The following FGGY variants were observed in gnomAD, a reference collection of about 807,000 sequenced individuals.
FGGY encodes FGGY carbohydrate kinase domain-containing protein.
A neutral mutation model predicts 71.3 loss-of-function variants in FGGY; 72 were observed. The ratio of observed to expected loss-of-function variants is 1.01; its 90% CI spans 0.84 to 1.23. The LOEUF (loss-of-function observed/expected upper bound fraction) is 1.23. FGGY is among the 50% of genes most tolerant of loss of function. The pLI is 0.00. For missense variants in FGGY, 668 were observed against 682.3 expected, an observed-to-expected ratio of 0.98 and a Z score of 0.23; for synonymous variants, 251 against 250.3, an observed-to-expected ratio of 1.00 and a Z score of -0.02.
chr1:59,720,485 T>G (rs990494387), intron 14 of FGGY, among the ~76,000 whole-genome samples: 7 of 152,240 alleles, frequency 4.6e-5, no homozygotes, highest in African/African-American at 1.7e-4. Flanking sequence ...CCACTTTTCT[T>G]TCCATTATCT....
At chr1:59,439,994 G>A (rs1187835284) in intron 5 of FGGY, among the ~76,000 whole-genome samples, 1 of 149,562 alleles carries the variant, frequency 6.7e-6, no homozygotes, top group Non-Finnish European at 1.5e-5. Flanking sequence ...ATATGTGGTG[G>A]TATCTTTTAA....
At chr1:59,643,733 CTA>C (rs1258316641) in intron 11 of FGGY, among the ~76,000 whole-genome samples, 13 of 152,234 alleles carry the variant, frequency 8.5e-5, no homozygotes, top group Non-Finnish European at 1.5e-4. Flanking sequence ...TAAATTTACT[CTA>C]TAGGAAAAAC....
intron 5 of FGGY, among the ~76,000 whole-genome samples, chr1:59,405,386 G>A (rs906174984): frequency 6.6e-6 from 1 of 152,148 alleles, no homozygotes. Flanking sequence ...ATTCCTGGTT[G>A]GAAGTTGAAG....
chr1:59,501,423 GA>G (rs78590825), intron 6 of FGGY, among the ~76,000 whole-genome samples: 7,630 of 145,894 alleles, frequency 0.052, 234 homozygotes, highest in East Asian at 0.13. Flanking sequence ...ATTTGATTGT[GA>G]AAAAAAAAAG....
chr1:59,540,176 C>A (rs2095417932), intron 7 of FGGY, among the ~76,000 whole-genome samples: 1 of 152,196 alleles, frequency 6.6e-6, no homozygotes, highest in African/African-American at 2.4e-5. Flanking sequence ...GGAAATATGA[C>A]CACACTTTGG....
intron 6 of FGGY, among the ~76,000 whole-genome samples, chr1:59,489,018 A>G (rs777508654): frequency 1.3e-5 from 2 of 152,016 alleles, no homozygotes; most frequent in Non-Finnish European, 2.9e-5. Context: ...TATGTTATTC[A>G]TGTATATCTT....
intron 6 of FGGY, among the ~76,000 whole-genome samples, chr1:59,472,740 T>C (rs1399119951): frequency 6.6e-6 from 1 of 152,074 alleles, no homozygotes; most frequent in Non-Finnish European, 1.5e-5. Context: ...AACCTTTGTG[T>C]GGACACTCTG....
chr1:59,720,326 AG>A (rs990946300), intron 14 of FGGY, among the ~76,000 whole-genome samples: 1 of 152,012 alleles, frequency 6.6e-6, no homozygotes, highest in Non-Finnish European at 1.5e-5. Flanking sequence ...CAAGTATGTC[AG>A]GGGGAAAAAA....
intron 5 of FGGY, among the ~76,000 whole-genome samples, chr1:59,451,266 G>A (rs1289703496): frequency 1.3e-5 from 2 of 151,788 alleles, no homozygotes; most frequent in Non-Finnish European, 2.9e-5. Flanking sequence ...ACATGTATAT[G>A]TATTTCAAGG....
At chr1:59,533,846 A>C (rs2095236304) in intron 7 of FGGY, among the ~76,000 whole-genome samples, 1 of 152,226 alleles carries the variant, frequency 6.6e-6, no homozygotes, top group African/African-American at 2.4e-5. Context: ...ACCATCATCA[A>C]AGACCAAAAG....
intron 6 of FGGY, among the ~76,000 whole-genome samples, chr1:59,463,377 G>A (rs1474002936): frequency 6.6e-6 from 1 of 152,114 alleles, no homozygotes; most frequent in Non-Finnish European, 1.5e-5. Context: ...CACACGGAAA[G>A]GAACAACCAG....
chr1:59,671,706 A>T (rs1436059043), intron 13 of FGGY, among the ~76,000 whole-genome samples: 1 of 152,234 alleles, frequency 6.6e-6, no homozygotes, highest in East Asian at 1.9e-4. Context: ...TAAGAGCCTT[A>T]TTATAATAGC....
At position 59,301,706 on chromosome 1, in the gene FGGY, CTTTTTTTTTTTTT is replaced by C. The variant is rs34290988; in HGVS notation, c.-15+4568_-15+4580del. Among the ~76,000 whole-genome samples the C allele has an allele frequency of 2.9e-4, 16 of 55,006 alleles. 1 individual carries two copies. The South Asian group carries it at 0.016, about 53-fold the overall frequency. 36.1% of individuals were successfully genotyped at this position (55,006 alleles called of 152,430 possible). ...TTTTCCTATAACTGTTGTGATCATTCTTTTTTTTTTTTTTTTTTTTTTTTGAGATGGAGTTTCG... is the reference window on the plus strand; with the variant it reads ...TTTTCCTATAACTGTTGTGATCATTCTTTTTTTTTTTGAGATGGAGTTTCG... On this transcript the variant is annotated intron_variant, in intron 1 of 15. Transcript: ENST00000303721.
intron 1 of FGGY, among the ~76,000 whole-genome samples, chr1:59,304,831 T>C (rs1557485584): frequency 6.6e-6 from 1 of 152,110 alleles, no homozygotes; most frequent in Non-Finnish European, 1.5e-5. Flanking sequence ...GATGCCCTTC[T>C]AAGTGAGATT....
intron 5 of FGGY, among the ~76,000 whole-genome samples, chr1:59,446,076 T>C (rs2071170895): frequency 6.6e-6 from 1 of 152,242 alleles, no homozygotes; most frequent in South Asian, 2.1e-4. Context: ...ATGCCTGGCG[T>C]ATAATAGGCA....
chr1:59,535,084 C>A (rs1277475440), intron 7 of FGGY, among the ~76,000 whole-genome samples: 1 of 152,140 alleles, frequency 6.6e-6, no homozygotes, highest in Admixed American at 6.5e-5. Flanking sequence ...ATTCAGGAAA[C>A]CCATCTCACC....
intron 3 of FGGY, among the ~76,000 whole-genome samples, chr1:59,342,320 G>C (rs1046840753): frequency 3.9e-5 from 6 of 152,100 alleles, no homozygotes; most frequent in Non-Finnish European, 7.4e-5. Flanking sequence ...AAAATATTAG[G>C]AACAGAACAC....
At chr1:59,527,790 A>G (rs1473341520) in intron 7 of FGGY, among the ~76,000 whole-genome samples, 2 of 152,226 alleles carry the variant, frequency 1.3e-5, no homozygotes, top group Non-Finnish European at 2.9e-5. Flanking sequence ...AAAATAGGTT[A>G]TTTTGATTAC....
At chr1:59,369,281 G>A (rs1447966418) in intron 4 of FGGY, among the ~76,000 whole-genome samples, 1 of 152,204 alleles carries the variant, frequency 6.6e-6, no homozygotes, top group Non-Finnish European at 1.5e-5. Flanking sequence ...GGCTCGGAGG[G>A]TCGTACGCCC....
Sources: allele counts gnomAD v4.1 joint callset (sites outside exome capture counted in the v4.1 genomes callset), GRCh38; gene constraint gnomAD v4.1.1; transcripts MANE v1.5; gene names NCBI Gene and HGNC (gene_info 2026-07-23, HGNC 2026-07-21).